DRC8: variants seen among roughly 807,000 people sequenced by gnomAD.
DRC8 encodes the protein dynein regulatory complex protein 8.
the DRC8 span, chr1:245,083,514 C>CAT: frequency 1.3e-6 from 2 of 1,596,272 alleles, no homozygotes; most frequent in Admixed American, 1.7e-5. Flanking sequence ...TATGCATATA[C>CAT]ATATATATAA....
the DRC8 span, among the ~76,000 whole-genome samples, chr1:245,026,486 C>G: frequency 6.6e-6 from 1 of 152,136 alleles, no homozygotes; most frequent in Non-Finnish European, 1.5e-5. Context: ...GGAGAGATTG[C>G]ATGGACAGTT....
the DRC8 span, among the ~76,000 whole-genome samples, chr1:245,074,015 A>G: frequency 6.6e-6 from 1 of 152,236 alleles, no homozygotes; most frequent in Non-Finnish European, 1.5e-5. Context: ...TTGGTTTTTA[A>G]AATGCAAAAA....
chr1:244,998,542 T>C, the DRC8 span, among the ~76,000 whole-genome samples: 3 of 152,292 alleles, frequency 2.0e-5, no homozygotes, highest in African/African-American at 7.2e-5. Flanking sequence ...TGTTGGATCT[T>C]ACCAAGATGT....
chr1:245,081,397 G>A, the DRC8 span, among the ~76,000 whole-genome samples: 29 of 152,174 alleles, frequency 1.9e-4, no homozygotes, highest in Admixed American at 3.3e-4. Context: ...TGCTGACCTC[G>A]TGATCCACCC....
chr1:245,037,400 A>G, the DRC8 span, among the ~76,000 whole-genome samples: 1 of 152,222 alleles, frequency 6.6e-6, no homozygotes, highest in Non-Finnish European at 1.5e-5. Context: ...GATCATCTCT[A>G]TAGAGGCATT....
the DRC8 span, among the ~76,000 whole-genome samples, chr1:245,088,315 GACACAC>G: frequency 1.0e-4 from 15 of 145,600 alleles, no homozygotes; most frequent in African/African-American, 3.1e-4. The surrounding 1 kb of genome is among the most constrained non-coding windows in gnomAD (Gnocchi z 4.6). Flanking sequence ...GTTATAACAA[GACACAC>G]ACACACACAC....
the DRC8 span, among the ~76,000 whole-genome samples, chr1:245,096,180 A>G: frequency 6.6e-6 from 1 of 152,254 alleles, no homozygotes; most frequent in Non-Finnish European, 1.5e-5. Flanking sequence ...CAGAATCTGA[A>G]TTCCAGAGAC....
the DRC8 span, among the ~76,000 whole-genome samples, chr1:245,096,773 C>T: frequency 6.6e-6 from 1 of 152,218 alleles, no homozygotes; most frequent in Non-Finnish European, 1.5e-5. Flanking sequence ...TGGCTTGAGG[C>T]TAATGCTGAA....
chr1:245,072,994 C>G, the DRC8 span, among the ~76,000 whole-genome samples: 2 of 152,286 alleles, frequency 1.3e-5, no homozygotes, highest in African/African-American at 4.8e-5. Flanking sequence ...AACTGTGAGC[C>G]AATTCAACCT....
chr1:245,010,013 A>C, the DRC8 span, among the ~76,000 whole-genome samples: 79,492 of 151,446 alleles, frequency 0.52, 23,300 homozygotes, highest in East Asian at 0.74. Flanking sequence ...GGCGTGCGCC[A>C]CCACGTCCAG....
chr1:245,096,735 T>TG, the DRC8 span, among the ~76,000 whole-genome samples: 20 of 152,200 alleles, frequency 1.3e-4, no homozygotes, highest in Non-Finnish European at 2.5e-4. Flanking sequence ...CTGCCAATAC[T>TG]GGGGGGTGAG....
chr1:245,007,307 G>A, the DRC8 span, among the ~76,000 whole-genome samples: 200 of 152,204 alleles, frequency 1.3e-3, 1 homozygote, highest in Middle Eastern at 0.01. Flanking sequence ...AAAATAATAT[G>A]TAACAGCCAA....
chr1:245,059,317 A>G, the DRC8 span: 5 of 1,076,094 alleles, frequency 4.6e-6, no homozygotes, highest in Middle Eastern at 2.2e-4. Flanking sequence ...ATGCTCTGAG[A>G]TAATTTGGAG....
the DRC8 span, among the ~76,000 whole-genome samples, chr1:245,118,213 A>T: frequency 6.6e-6 from 1 of 152,052 alleles, no homozygotes; most frequent in Non-Finnish European, 1.5e-5. Context: ...ATTAGAGCAA[A>T]CCCTGGCCCT....
At chr1:245,121,784 G>A in the DRC8 span, 29 of 361,558 alleles carry the variant, frequency 8.0e-5, no homozygotes, top group Middle Eastern at 9.7e-4. Flanking sequence ...CAACCCCTCC[G>A]TCTGGCTCCT....
the DRC8 span, among the ~76,000 whole-genome samples, chr1:245,117,526 C>T: frequency 1.3e-5 from 2 of 151,952 alleles, no homozygotes; most frequent in African/African-American, 2.4e-5. Context: ...CAGGTTCAAG[C>T]GATTCTCTTT....
At chr1:245,011,109 C>T in the DRC8 span, among the ~76,000 whole-genome samples, 1 of 152,098 alleles carries the variant, frequency 6.6e-6, no homozygotes, top group East Asian at 1.9e-4. Flanking sequence ...AAACACGAAA[C>T]TCATTTATGT....
chr1:245,055,940 G>A, the DRC8 span, among the ~76,000 whole-genome samples: 3 of 152,180 alleles, frequency 2.0e-5, no homozygotes, highest in Non-Finnish European at 4.4e-5. Context: ...TGCTGCCCAG[G>A]TGGAGTGCAG....
chr1:245,085,446 G>C, the DRC8 span, among the ~76,000 whole-genome samples: 6 of 152,198 alleles, frequency 3.9e-5, no homozygotes, highest in Non-Finnish European at 7.3e-5. Context: ...GGGCTAATGA[G>C]AGGGAGACAT....
Sources: allele counts gnomAD v4.1 joint callset (sites outside exome capture counted in the v4.1 genomes callset), GRCh38; gene constraint gnomAD v4.1.1; non-coding constraint Gnocchi (gnomAD v3.1); transcripts MANE v1.5; gene names NCBI Gene and HGNC (gene_info 2026-07-23, HGNC 2026-07-21).